The following DISP3 variants were observed in gnomAD, a reference collection of about 807,000 sequenced individuals.
The protein encoded by DISP3 is protein dispatched homolog 3.
DISP3 carries 101 observed loss-of-function variants against 135.3 expected under a neutral mutation model. The observed-to-expected ratio is 0.75, with a 90% CI of 0.64 to 0.88. The LOEUF (loss-of-function observed/expected upper bound fraction) is 0.88, where lower values mean the gene tolerates loss of function less well. DISP3 is among the 40% of genes least tolerant of loss of function. The probability of loss-of-function intolerance (pLI) is 0.00; values close to 1 mark genes in which losing one functional copy is unlikely to be tolerated. For missense variants in DISP3, 1,713 were observed against 1,878.6 expected (o/e 0.91, Z 1.63); for synonymous variants, 856 against 817.0 (o/e 1.05, Z -0.81).
At position 11,531,710 on chromosome 1, in the gene DISP3, G is replaced by A. The variant is rs1266866744; in HGVS notation, c.3375G>A (p.Ser1125=). Residue 1125 remains serine (S), a splice_region_variant and synonymous_variant, in exon 17 of 21, where the codon TCG becomes TCA. Coordinates refer to ENST00000294484, the MANE Select transcript of DISP3 (RefSeq NM_020780.2). This position sits in a 1 kb window ranked among gnomAD's most constrained non-coding sequence, Gnocchi z 5.2. The part of the protein sequence containing the change: ...RVQWISMAFE[S]TTYKGKSSFQ... ...AGTGGATCTCCATGGCTTTCGAGTC[G>A]GTGAGCCCAGGCAGCCTCACTGGGT... 9 of 1,595,174 alleles carry A rather than the reference G, an allele frequency of 5.6e-6. No homozygotes were observed. The highest frequency in any genetic ancestry group is 7.7e-6 in the Non-Finnish European group (9 of 1,170,178).
chr1:11,520,605 T>G lies in DISP3; in HGVS notation c.2201-82T>G. 4.1e-6 allele frequency: 6 copies of G among 1,481,288 alleles called. No individual in the cohort carries two copies. Among genetic ancestry groups the G allele is most frequent in the Non-Finnish European group, 5.5e-6 (6 of 1,086,384 alleles). The allele number at this position is 1,481,288 out of a possible 1,614,324, so 91.8% of individuals were successfully genotyped here. A position where few individuals can be genotyped will look rare whatever the true frequency, so the allele number is the denominator to read the frequency against. On this transcript the variant is annotated intron_variant, in intron 9 of 20. Coordinates refer to ENST00000294484, the MANE Select transcript of DISP3 (RefSeq NM_020780.2). The surrounding 1 kb of genome is among the most constrained non-coding windows in gnomAD (Gnocchi z 4.8). ...ACCCGCCCCCCAACAACCAGAGCAG[T>G]TGTCTCCCGGCACTTTGGAGCCCCA...
chr1:11,516,260 T>C lies in DISP3; in HGVS notation c.1749+99T>C. The C allele has an allele frequency of 7.0e-7, 1 of 1,419,016 alleles. No homozygotes were observed. The highest frequency in any genetic ancestry group is 1.3e-5 in the South Asian group (1 of 75,476). The allele number at this position is 1,419,016 out of a possible 1,614,324, so 87.9% of individuals were successfully genotyped here. ...TCCCACCACCGCTTGAGTGGCCATA[T>C]AGCCTTCACCTCAAGGTACTTGCCC... On this transcript the variant is annotated intron_variant, in intron 6 of 20. Transcript: ENST00000294484. The surrounding 1 kb of genome is among the most constrained non-coding windows in gnomAD (Gnocchi z 5.1).
intron 1 of DISP3, among the ~76,000 whole-genome samples, chr1:11,485,572 G>T (rs1641016644): frequency 1.3e-5 from 2 of 152,130 alleles, no homozygotes; most frequent in Non-Finnish European, 1.5e-5. Flanking sequence ...TTTGGGAAAA[G>T]TATGTGTCCC....
Position 11,531,820 on chromosome 1 carries a change from A to T in DISP3, c.3375+110A>T. ...GGGGGGGAGATGCTGAGGCCCAGAG[A>T]GGTGGAGTGACTTGCCTGAGGTCAC... On this transcript the variant is annotated intron_variant, in intron 17 of 20. Coordinates refer to ENST00000294484, the MANE Select transcript of DISP3 (RefSeq NM_020780.2). This position sits in a 1 kb window ranked among gnomAD's most constrained non-coding sequence, Gnocchi z 5.2. 7.0e-7 allele frequency: 1 copy of T among 1,433,120 alleles called. No individual in the cohort carries two copies. Among genetic ancestry groups the T allele is most frequent in the Non-Finnish European group, 9.2e-7 (1 of 1,086,380 alleles). 88.8% of individuals were successfully genotyped at this position (1,433,120 alleles called of 1,614,324 possible). A position where few individuals can be genotyped will look rare whatever the true frequency, so the allele number is the denominator to read the frequency against.
rs752388200 is a variant in DISP3 at position 11,529,798 on chromosome 1, C to T, written c.2941C>T (p.Arg981Cys). 9.3e-6 allele frequency: 15 copies of T among 1,613,440 alleles called. 1 individual carries two copies. Among genetic ancestry groups the T allele is most frequent in the African/African-American group, 2.7e-5 (2 of 75,060 alleles). Residue 981 changes from arginine (R) to cysteine (C), a missense_variant, in exon 15 of 21, where the codon CGT (arginine) becomes TGT (cysteine). By Grantham distance (180) the Arg-to-Cys change is radical (BLOSUM62 -3). Coordinates refer to ENST00000294484, the MANE Select transcript of DISP3 (RefSeq NM_020780.2). The surrounding 1 kb of genome is among the most constrained non-coding windows in gnomAD (Gnocchi z 4.7). ...CTCCCTGTTCGCAGTGCCCAAGGCCCGTCTCTCAGCCACCTTCGGCTTCAA... is the reference window on the plus strand; with the variant it reads ...CTCCCTGTTCGCAGTGCCCAAGGCCTGTCTCTCAGCCACCTTCGGCTTCAA... ...FVPSEKVPKA[R>C]LSATFGFNPC...
rs769920986 is a variant in DISP3 at position 11,501,673 on chromosome 1, C to G, written c.681C>G (p.Ser227Arg). The change falls in exon 2 of 21, where the codon AGC becomes AGG. Residue 227 changes from serine (S) to arginine (R), a missense_variant. By Grantham distance (110) the Ser-to-Arg change is moderately radical. Coordinates refer to ENST00000294484, the MANE Select transcript of DISP3 (RefSeq NM_020780.2). This position sits in a 1 kb window ranked among gnomAD's most constrained non-coding sequence, Gnocchi z 4.9. ...QSEDPRNQRL[S>R]KNGRYQPSIP... ...AAGACCCGCGAAACCAGCGGCTGAG[C>G]AAGAATGGGCGGTACCAGCCCAGCA... is the stretch of plus-strand genomic sequence containing the variant. 1.0e-5 allele frequency: 16 copies of G among 1,606,662 alleles called. No homozygotes were observed. Among genetic ancestry groups the G allele is most frequent in the African/African-American group, 2.7e-5 (2 of 74,848 alleles).
chr1:11,501,695 A>C lies in DISP3; in HGVS notation c.703A>C (p.Ser235Arg), dbSNP rs1209791545. 3.7e-6 allele frequency: 6 copies of C among 1,602,818 alleles called. No individual in the cohort carries two copies. The highest frequency in any genetic ancestry group is 5.1e-6 in the Non-Finnish European group (6 of 1,175,156). The change falls in exon 2 of 21, where the codon AGC becomes CGC. Residue 235 changes from serine to arginine, a missense_variant. Ser to Arg is a moderately radical substitution (Grantham distance 110). Coordinates refer to ENST00000294484, the MANE Select transcript of DISP3 (RefSeq NM_020780.2). The surrounding 1 kb of genome is among the most constrained non-coding windows in gnomAD (Gnocchi z 4.9). The part of the protein sequence containing the change: ...RLSKNGRYQP[S>R]IPPHAAVAAN... ...GAGCAAGAATGGGCGGTACCAGCCCAGCATCCCGCCCCACGCGGCAGTCGC... is the reference window on the plus strand; with the variant it reads ...GAGCAAGAATGGGCGGTACCAGCCCCGCATCCCGCCCCACGCGGCAGTCGC...
rs1483591691 is a variant in DISP3, at chr1:11,520,822, A to C, written c.2336A>C (p.Glu779Ala). ...GACCTCAAGTACAACCTGAGCGCCG[A>C]GGGCATCTCCTGCATCACCTGTTCA... is the stretch of plus-strand genomic sequence containing the variant. ...LLDLKYNLSA[E>A]GISCITCSGL... Residue 779 changes from glutamate to alanine, a missense_variant, in exon 10 of 21, where the codon GAG (glutamate) becomes GCG (alanine). By Grantham distance (107) the Glu-to-Ala change is moderately radical. This residue lies in a region of DISP3 where 1,142 missense variants were observed against 1,384.6 expected (regional missense o/e 0.82). Coordinates refer to ENST00000294484, the MANE Select transcript of DISP3 (RefSeq NM_020780.2). This position sits in a 1 kb window ranked among gnomAD's most constrained non-coding sequence, Gnocchi z 4.8. 6.2e-7 allele frequency: 1 copy of C among 1,610,886 alleles called. No homozygotes were observed. The highest frequency in any genetic ancestry group is 1.3e-5 in the African/African-American group (1 of 74,876).
At position 11,519,757 on chromosome 1, in the gene DISP3, TC is replaced by T; in HGVS notation, c.2082del (p.Glu695ArgfsTer37). 6.2e-7 allele frequency: 1 copy of T among 1,612,984 alleles called. No individual in the cohort carries two copies. On this transcript the variant is annotated frameshift_variant, in exon 9 of 21. Transcript: ENST00000294484. LOFTEE classifies it high-confidence loss of function. The surrounding 1 kb of genome is among the most constrained non-coding windows in gnomAD (Gnocchi z 4.3). ...ELGDVSLVSV[S>X]PEGLQPASNT... ...GGGAGACGTGTCCCTGGTGTCTGTG[TC>T]CCCCGAGGGTCTGCAGCCAGCCTCC...
At chr1:11,522,893 A>AG (rs1557615681) in intron 10 of DISP3, among the ~76,000 whole-genome samples, 9 of 40,120 alleles carry the variant, frequency 2.2e-4, no homozygotes, top group East Asian at 1.4e-3. Flanking sequence ...CCCAGCCAGG[A>AG]CCCAGCCAGA....
At chr1:11,508,665 AGTAGGT>A (rs1286766298) in intron 3 of DISP3, among the ~76,000 whole-genome samples, 1 of 152,040 alleles carries the variant, frequency 6.6e-6, no homozygotes, top group Non-Finnish European at 1.5e-5. Context: ...ATGAGCACAT[AGTAGGT>A]GTATATATTT....
At chr1:11,497,428 G>A (rs922036314) in intron 1 of DISP3, among the ~76,000 whole-genome samples, 13 of 149,316 alleles carry the variant, frequency 8.7e-5, no homozygotes, top group Admixed American at 6.8e-4. Context: ...CTCTGTCGTC[G>A]CCCAGGCTGG....
At chr1:11,521,407 G>GGGA (rs762113961) in intron 10 of DISP3, among the ~76,000 whole-genome samples, 3 of 126,450 alleles carry the variant, frequency 2.4e-5, no homozygotes, top group Non-Finnish European at 5.1e-5. Flanking sequence ...AGGCTGGGAG[G>GGGA]GGAGAGGAGG....
intron 3 of DISP3, among the ~76,000 whole-genome samples, chr1:11,512,714 C>T (rs968190232): frequency 6.6e-5 from 10 of 152,162 alleles, no homozygotes; most frequent in Admixed American, 2.6e-4. Context: ...TTTCAGGTAT[C>T]TTTTCAGCAG....
Position 11,536,799 on chromosome 1 carries a change from T to C in DISP3, c.*113T>C. 1 of 1,351,962 alleles carries C rather than the reference T, an allele frequency of 7.4e-7. No homozygotes were observed. The allele number at this position is 1,351,962 out of a possible 1,614,324, so 83.7% of individuals were successfully genotyped here. A position where few individuals can be genotyped will look rare whatever the true frequency, so the allele number is the denominator to read the frequency against. On this transcript the variant is annotated 3_prime_UTR_variant, in exon 21 of 21. Coordinates refer to ENST00000294484, the MANE Select transcript of DISP3 (RefSeq NM_020780.2). This position sits in a 1 kb window ranked among gnomAD's most constrained non-coding sequence, Gnocchi z 4.3. ...CCCCAGGCCTGGGCCCAGGGCGCCCTGCGGGCCAGCGTGGAGGCTGACACC... is the reference window on the plus strand; with the variant it reads ...CCCCAGGCCTGGGCCCAGGGCGCCCCGCGGGCCAGCGTGGAGGCTGACACC...
At chr1:11,526,921 A>G in intron 13 of DISP3, 86 bp downstream of exon 13, 1 of 1,415,928 alleles carries the variant, frequency 7.1e-7, no homozygotes, top group Non-Finnish European at 9.4e-7. Flanking sequence ...TTTTCACATG[A>G]GGGATGCCAG....
At position 11,483,412 on chromosome 1, in the gene DISP3, C is replaced by A. The variant is rs772854626; in HGVS notation, c.-4+4040C>A. ...TGTCTCACTTAAGCCTTGCCACCAT[C>A]TCATGTCACATGAATTGTCATCCTC... On this transcript the variant is annotated intron_variant, in intron 1 of 20. Coordinates refer to ENST00000294484, the MANE Select transcript of DISP3 (RefSeq NM_020780.2). The surrounding 1 kb of genome is among the most constrained non-coding windows in gnomAD (Gnocchi z 5.4). Among the ~76,000 whole-genome samples the A allele has an allele frequency of 1.3e-5, 2 of 152,210 alleles. No homozygotes were observed. Among genetic ancestry groups the A allele is most frequent in the Non-Finnish European group, 2.9e-5 (2 of 68,048 alleles).
intron 1 of DISP3, among the ~76,000 whole-genome samples, chr1:11,490,565 G>A (rs150243481): frequency 5.9e-5 from 9 of 152,264 alleles, no homozygotes; most frequent in Admixed American, 4.6e-4. Context: ...CACCGTGACC[G>A]GCCATGTTGG....
intron 1 of DISP3, among the ~76,000 whole-genome samples, chr1:11,494,216 C>T (rs1296953160): frequency 1.3e-5 from 2 of 152,202 alleles, no homozygotes; most frequent in East Asian, 1.9e-4. Flanking sequence ...CCTTCCCTAG[C>T]GTCCTTGCAG....
Sources: allele counts gnomAD v4.1 joint callset (sites outside exome capture counted in the v4.1 genomes callset), GRCh38; gene constraint gnomAD v4.1.1; regional missense constraint gnomAD v4.1.1; non-coding constraint Gnocchi (gnomAD v3.1); transcripts MANE v1.5; gene names NCBI Gene and HGNC (gene_info 2026-07-23, HGNC 2026-07-21).